The following LMX1A variants were observed in gnomAD, a reference collection of about 807,000 sequenced individuals.
The protein encoded by LMX1A is LIM homeobox transcription factor 1 alpha, also known as LIM homeobox transcription factor 1-alpha.
Under a neutral mutation model 49.1 loss-of-function variants are expected in LMX1A, and 15 were observed. The ratio of observed to expected loss-of-function variants is 0.31; its 90% confidence interval spans 0.20 to 0.47. The LOEUF (loss-of-function observed/expected upper bound fraction) is 0.47. Among genes scored for constraint, LMX1A ranks in the 20% least tolerant of loss-of-function variants. The pLI, the probability that LMX1A is intolerant of heterozygous loss-of-function variation, is 1.00. For synonymous variants in LMX1A, 167 were observed against 185.7 expected (o/e 0.90, Z 0.82); for missense variants, 372 against 475.8 (o/e 0.78, Z 2.03).
intron 4 of LMX1A, among the ~76,000 whole-genome samples, chr1:165,233,541 C>T (rs552907160): frequency 6.6e-6 from 1 of 152,308 alleles, no homozygotes; most frequent in Non-Finnish European, 1.5e-5. Flanking sequence ...CCTTAAATCC[C>T]AGATCTATGT....
chr1:165,327,256 C>T (rs1655614379), intron 3 of LMX1A, among the ~76,000 whole-genome samples: 1 of 152,160 alleles, frequency 6.6e-6, no homozygotes, highest in Non-Finnish European at 1.5e-5. Flanking sequence ...GAGGAAGCAG[C>T]AGTACTCCAA....
At chr1:165,266,801 C>T (rs1653637973) in intron 3 of LMX1A, among the ~76,000 whole-genome samples, 1 of 151,954 alleles carries the variant, frequency 6.6e-6, no homozygotes, top group Non-Finnish European at 1.5e-5. Context: ...CAGGGTTTCA[C>T]CGCGTTAGCC....
chr1:165,321,453 T>C (rs779322430), intron 3 of LMX1A, among the ~76,000 whole-genome samples: 2 of 152,206 alleles, frequency 1.3e-5, no homozygotes, highest in Non-Finnish European at 2.9e-5. Context: ...AAACATATGT[T>C]TTGATTCCTC....
chr1:165,252,459 C>A (rs1553607), intron 3 of LMX1A, among the ~76,000 whole-genome samples: 83,116 of 152,110 alleles, frequency 0.55, 22,865 homozygotes, highest in East Asian at 0.68. Flanking sequence ...GCATTTGTCA[C>A]AACTTTGGCA....
At chr1:165,263,977 A>T (rs1653536582) in intron 3 of LMX1A, among the ~76,000 whole-genome samples, 1 of 152,210 alleles carries the variant, frequency 6.6e-6, no homozygotes, top group Non-Finnish European at 1.5e-5. Context: ...GAAGAAGGTT[A>T]TCAATTATAT....
intron 3 of LMX1A, among the ~76,000 whole-genome samples, chr1:165,348,522 A>G (rs1168430030): frequency 6.6e-6 from 1 of 152,246 alleles, no homozygotes; most frequent in Non-Finnish European, 1.5e-5. Context: ...TAACACAGAC[A>G]TCAGTTTATT....
At chr1:165,309,392 G>A (rs1005782066) in intron 3 of LMX1A, among the ~76,000 whole-genome samples, 3 of 152,230 alleles carry the variant, frequency 2.0e-5, no homozygotes, top group Admixed American at 2.0e-4. Context: ...AGGAAGTCCT[G>A]GTGGGGGGCT....
intron 3 of LMX1A, among the ~76,000 whole-genome samples, chr1:165,303,469 C>T (rs922515093): frequency 6.6e-6 from 1 of 152,218 alleles, no homozygotes; most frequent in South Asian, 2.1e-4. Context: ...TCAAAATTTA[C>T]AAAAGCACAA....
At chr1:165,206,329 A>T (rs1424377473) in intron 7 of LMX1A, among the ~76,000 whole-genome samples, 1 of 152,130 alleles carries the variant, frequency 6.6e-6, no homozygotes, top group Non-Finnish European at 1.5e-5. Context: ...TTCTACGATA[A>T]CCCAGTATGA....
In LMX1A at chr1:165,355,053, G is replaced by C. The variant is rs1656559646; in HGVS notation, c.76+431C>G. Among the ~76,000 whole-genome samples, 1 of 152,194 alleles carries C rather than the reference G, an allele frequency of 6.6e-6. No individual in the cohort carries two copies. Among genetic ancestry groups the C allele is most frequent in the Admixed American group, 6.5e-5 (1 of 15,284 alleles). Reference sequence around the variant, plus strand: ...CGGCCTTGCCCATGGCTGAAATTGGGGCTGGAGTTGGTGGGGGAGAGAAGC... The same window carrying C: ...CGGCCTTGCCCATGGCTGAAATTGGCGCTGGAGTTGGTGGGGGAGAGAAGC... On this transcript the variant is annotated intron_variant, in intron 2 of 8. Transcript: ENST00000342310. This position sits in a 1 kb window ranked among gnomAD's most constrained non-coding sequence, Gnocchi z 4.7.
chr1:165,214,393 C>G lies in LMX1A; in HGVS notation c.497-580G>C, dbSNP rs1305889918. ...TTAAGCTTTTTCTCCTTATAAATTA[C>G]CCAGTCTCCGGTATGTCTTTATGGC... On this transcript the variant is annotated intron_variant, in intron 4 of 8. Transcript: ENST00000342310. Among the ~76,000 whole-genome samples the G allele has an allele frequency of 2.0e-5, 3 of 152,322 alleles. No homozygotes were observed. The East Asian group carries it at 5.8e-4, about 29-fold the overall frequency.
intron 3 of LMX1A, among the ~76,000 whole-genome samples, chr1:165,321,263 A>C (rs1655377584): frequency 6.6e-6 from 1 of 152,174 alleles, no homozygotes; most frequent in Admixed American, 6.5e-5. Flanking sequence ...AGTTACTGCT[A>C]ATGGATACAG....
At chr1:165,323,607 C>T (rs1038560151) in intron 3 of LMX1A, among the ~76,000 whole-genome samples, 1 of 152,220 alleles carries the variant, frequency 6.6e-6, no homozygotes, top group Non-Finnish European at 1.5e-5. Flanking sequence ...TCTAGCAGCA[C>T]ACATGGTAAA....
chr1:165,335,176 T>C (rs973034363), intron 3 of LMX1A, among the ~76,000 whole-genome samples: 1 of 152,208 alleles, frequency 6.6e-6, no homozygotes, highest in Non-Finnish European at 1.5e-5. Flanking sequence ...TCCTCTCTTT[T>C]AAGCTTTCAA....
At chr1:165,333,608 G>A (rs1469510244) in intron 3 of LMX1A, among the ~76,000 whole-genome samples, 1 of 152,080 alleles carries the variant, frequency 6.6e-6, no homozygotes, top group African/African-American at 2.4e-5. Context: ...TGCATTCACT[G>A]TCTCTTCTAC....
chr1:165,320,780 C>T (rs1051067442), intron 3 of LMX1A, among the ~76,000 whole-genome samples: 4 of 152,150 alleles, frequency 2.6e-5, no homozygotes, highest in Non-Finnish European at 5.9e-5. Context: ...ATAAGGCCAT[C>T]CACCTAAGAG....
At chr1:165,256,508 A>G (rs1653246748) in intron 3 of LMX1A, among the ~76,000 whole-genome samples, 1 of 152,174 alleles carries the variant, frequency 6.6e-6, no homozygotes, top group South Asian at 2.1e-4. Context: ...ATAGTGTTTT[A>G]CCATGACACT....
At chr1:165,211,544 C>T (rs1481218403) in intron 5 of LMX1A, among the ~76,000 whole-genome samples, 1 of 152,180 alleles carries the variant, frequency 6.6e-6, no homozygotes, top group African/African-American at 2.4e-5. Context: ...TGATTAGATC[C>T]TGGGGAGGAG....
In LMX1A at chr1:165,275,367, A is replaced by C. The variant is rs371756038; in HGVS notation, c.264-25727T>G. Among the ~76,000 whole-genome samples, 10 of 152,368 alleles carry C rather than the reference A, an allele frequency of 6.6e-5. No individual in the cohort carries two copies. In the East Asian group the frequency reaches 1.5e-3, roughly 24 times the overall value. ...TGAACAACACTCCCCAATAAGCAGCAGTCTGGGCTTTGTTGGAGAGCCCAC... is the reference window on the plus strand; with the variant it reads ...TGAACAACACTCCCCAATAAGCAGCCGTCTGGGCTTTGTTGGAGAGCCCAC... On this transcript the variant is annotated intron_variant, in intron 3 of 8. Transcript: ENST00000342310.
Sources: gnomAD v4.1 joint callset for allele counts (sites outside exome capture counted in the v4.1 genomes callset) on GRCh38, gnomAD v4.1.1 for gene constraint, Gnocchi (gnomAD v3.1) non-coding constraint, MANE v1.5 for transcripts, NCBI Gene and HGNC (gene_info 2026-07-23, HGNC 2026-07-21) for gene names.